RARB: variants seen among roughly 807,000 people sequenced by gnomAD.
RARB encodes the protein retinoic acid receptor beta, also known as HBV-activated protein.
A neutral mutation model predicts 51.9 loss-of-function variants in RARB; 17 were observed. The ratio of observed to expected loss-of-function variants is 0.33; its 90% CI spans 0.22 to 0.49. The LOEUF is 0.49. Ranked by LOEUF, RARB falls within the 20% of genes least tolerant of loss-of-function variation. RARB has a pLI of 0.99. For missense variants in RARB, 369 were observed against 550.8 expected (o/e 0.67, Z 3.30); for synonymous variants, 215 against 195.4 (o/e 1.10, Z -0.84).
intron 1 of RARB, among the ~76,000 whole-genome samples, chr3:25,431,632 T>C (rs1708210732): frequency 6.6e-6 from 1 of 152,222 alleles, no homozygotes; most frequent in Non-Finnish European, 1.5e-5. Flanking sequence ...TAAATCTTAA[T>C]ATTTTGTGGT....
chr3:25,442,863 G>A (rs1390842337), intron 1 of RARB, among the ~76,000 whole-genome samples: 1 of 152,122 alleles, frequency 6.6e-6, no homozygotes, highest in Non-Finnish European at 1.5e-5. Context: ...GACATACGAT[G>A]TCTATTCCCG....
chr3:25,166,312 C>A (rs1194516243), intron 4 of RARB, among the ~76,000 whole-genome samples: 1 of 152,166 alleles, frequency 6.6e-6, no homozygotes, highest in Non-Finnish European at 1.5e-5. Context: ...TGTTTCTTTT[C>A]TATCAAGAAC....
chr3:25,339,529 TC>T (rs1185167320), intron 5 of RARB, among the ~76,000 whole-genome samples: 2 of 152,054 alleles, frequency 1.3e-5, no homozygotes, highest in South Asian at 4.1e-4. Context: ...GCTGCTGGAA[TC>T]GCAAATCGTT....
chr3:25,164,605 T>C (rs1700530874), intron 4 of RARB, among the ~76,000 whole-genome samples: 1 of 152,222 alleles, frequency 6.6e-6, no homozygotes, highest in Admixed American at 6.5e-5. Flanking sequence ...CTAGAATAGA[T>C]ATACCCCTTC....
chr3:24,897,914 C>G (rs1051405547), intron 2 of RARB, among the ~76,000 whole-genome samples: 3 of 152,168 alleles, frequency 2.0e-5, no homozygotes, highest in Admixed American at 1.3e-4. Context: ...AACTTATTCA[C>G]TATGGAACCT....
At chr3:24,900,519 A>C (rs1241542611) in intron 2 of RARB, among the ~76,000 whole-genome samples, 2 of 152,232 alleles carry the variant, frequency 1.3e-5, no homozygotes, top group African/African-American at 4.8e-5. Flanking sequence ...CAAGTAAGTA[A>C]GAACAAAGTG....
chr3:25,047,432 T>A (rs564614904), intron 2 of RARB, among the ~76,000 whole-genome samples: 39 of 152,156 alleles, frequency 2.6e-4, no homozygotes, highest in African/African-American at 8.4e-4. Flanking sequence ...TTAAAAAAAA[T>A]GTTTATGTAA....
At chr3:25,090,699 C>T (rs963821390) in intron 3 of RARB, among the ~76,000 whole-genome samples, 1 of 152,124 alleles carries the variant, frequency 6.6e-6, no homozygotes, top group Non-Finnish European at 1.5e-5. Flanking sequence ...CAAAAATACT[C>T]ATGGTACTAA....
At chr3:24,899,988 G>A (rs1356217146) in intron 2 of RARB, among the ~76,000 whole-genome samples, 3 of 151,892 alleles carry the variant, frequency 2.0e-5, no homozygotes, top group Admixed American at 6.6e-5. Context: ...ACATTTTTAC[G>A]ATATAAGCAT....
intron 2 of RARB, among the ~76,000 whole-genome samples, chr3:24,934,471 C>T (rs1215584378): frequency 6.6e-6 from 1 of 152,064 alleles, no homozygotes; most frequent in African/African-American, 2.4e-5. Context: ...ATACCACACA[C>T]TATGAAATTT....
intron 3 of RARB, among the ~76,000 whole-genome samples, chr3:25,504,770 C>CTT (rs61498243): frequency 5.8e-4 from 73 of 126,020 alleles, no homozygotes; most frequent in Non-Finnish European, 7.8e-4. Flanking sequence ...ACATTAACCA[C>CTT]TTTTTTTTTT....
At chr3:24,905,773 C>A (rs1287721568) in intron 2 of RARB, among the ~76,000 whole-genome samples, 1 of 152,168 alleles carries the variant, frequency 6.6e-6, no homozygotes, top group Non-Finnish European at 1.5e-5. Context: ...GTTGCACTGG[C>A]TAAGGATGTT....
chr3:25,115,027 C>A (rs772063815), intron 3 of RARB, among the ~76,000 whole-genome samples: 3 of 152,092 alleles, frequency 2.0e-5, no homozygotes, highest in Non-Finnish European at 4.4e-5. Context: ...TTTAAAAAAT[C>A]ATTTCTTTAT....
intron 5 of RARB, among the ~76,000 whole-genome samples, chr3:25,363,948 A>G (rs1400381005): frequency 1.3e-5 from 2 of 152,154 alleles, no homozygotes; most frequent in African/African-American, 2.4e-5. Context: ...AGATATCCAT[A>G]TAGATCTTTC....
Position 25,461,847 on chromosome 3 carries a change from A to G in RARB, c.306+506A>G, listed in dbSNP as rs1461203392. On this transcript the variant is annotated intron_variant, in intron 2 of 7. Transcript: ENST00000330688. ...GAAGCAGCGGTTGCAGCCAGCCAAG[A>G]TCACACCACTGCACTCCAACCTGGA... Among the ~76,000 whole-genome samples, 4 of 152,234 alleles carry G rather than the reference A, an allele frequency of 2.6e-5. No individual in the cohort carries two copies. The South Asian group carries it at 6.2e-4, about 24-fold the overall frequency.
At chr3:25,220,234 C>G (rs1489345577) in intron 5 of RARB, among the ~76,000 whole-genome samples, 1 of 152,132 alleles carries the variant, frequency 6.6e-6, no homozygotes, top group East Asian at 1.9e-4. Context: ...CAGCAGACAA[C>G]AAGTAATAGA....
At chr3:25,048,345 T>G (rs190972896) in intron 2 of RARB, among the ~76,000 whole-genome samples, 3 of 152,348 alleles carry the variant, frequency 2.0e-5, no homozygotes, top group Non-Finnish European at 4.4e-5. Flanking sequence ...TACCTTGATT[T>G]ATGTTTTGTG....
At chr3:25,518,206 A>G (rs776827347) in intron 3 of RARB, among the ~76,000 whole-genome samples, 5 of 152,110 alleles carry the variant, frequency 3.3e-5, no homozygotes, top group Non-Finnish European at 7.4e-5. Context: ...ATAAAAGTAA[A>G]CCTTGGAGTC....
chr3:25,078,145 A>G (rs1390348988), intron 3 of RARB, among the ~76,000 whole-genome samples: 1 of 152,098 alleles, frequency 6.6e-6, no homozygotes, highest in Non-Finnish European at 1.5e-5. Context: ...TTTTAATTTA[A>G]TGAATTTATT....
Sources: gnomAD v4.1 joint callset for allele counts (sites outside exome capture counted in the v4.1 genomes callset) on GRCh38, gnomAD v4.1.1 for gene constraint, MANE v1.5 for transcripts, NCBI Gene and HGNC (gene_info 2026-07-23, HGNC 2026-07-21) for gene names.